Variants in COL19A1 observed in about 807,000 individuals in gnomAD.
The protein encoded by COL19A1 is collagen type XIX alpha 1 chain, also known as collagen alpha-1(XIX) chain.
A neutral mutation model predicts 190.2 loss-of-function variants in COL19A1; 159 were observed. The ratio of observed to expected loss-of-function variants is 0.84; its 90% confidence interval spans 0.73 to 0.95. COL19A1 has a LOEUF of 0.95. COL19A1 is among the 40% of genes least tolerant of loss of function. The probability of loss-of-function intolerance (pLI) is 0.00; values close to 1 mark genes in which losing one functional copy is unlikely to be tolerated. For synonymous variants in COL19A1, 509 were observed against 458.9 expected, an observed-to-expected ratio of 1.11 and a Z score of -1.39; for missense variants, 1,418 against 1,431.9, an observed-to-expected ratio of 0.99 and a Z score of 0.16.
chr6:69,888,649 C>T (rs755859707), intron 2 of COL19A1, among the ~76,000 whole-genome samples: 6 of 152,010 alleles, frequency 3.9e-5, no homozygotes, highest in South Asian at 4.2e-4. Flanking sequence ...AAAAATTAGC[C>T]GGGCGTGGTG....
chr6:70,063,550 C>A (rs897229900), intron 14 of COL19A1, among the ~76,000 whole-genome samples: 6 of 151,830 alleles, frequency 4.0e-5, no homozygotes, highest in African/African-American at 1.5e-4. Context: ...AAATTGACAC[C>A]CCAACATCGC....
At chr6:69,929,305 T>A (rs1772598884) in intron 5 of COL19A1, 120 bp from the exon 6 acceptor site, 2 of 950,578 alleles carry the variant, frequency 2.1e-6, no homozygotes, top group Non-Finnish European at 3.1e-6. Context: ...AAGTGTCATC[T>A]AAAATATTTT....
At chr6:70,125,841 A>G (rs148763820) in intron 17 of COL19A1, among the ~76,000 whole-genome samples, 2 of 152,338 alleles carry the variant, frequency 1.3e-5, no homozygotes, top group Non-Finnish European at 2.9e-5. Context: ...AAATCTGCTC[A>G]TGTTCCAGTA....
intron 12 of COL19A1, among the ~76,000 whole-genome samples, chr6:70,024,989 C>T (rs1466015965): frequency 6.6e-6 from 1 of 151,546 alleles, no homozygotes; most frequent in Non-Finnish European, 1.5e-5. Context: ...CAGATCACTT[C>T]TCAGAGTCTG....
intron 11 of COL19A1, among the ~76,000 whole-genome samples, chr6:69,963,886 A>T (rs1288487343): frequency 6.6e-6 from 1 of 152,264 alleles, no homozygotes; most frequent in Non-Finnish European, 1.5e-5. Context: ...ACAACTTTCT[A>T]TTGAAAGTAC....
intron 11 of COL19A1, among the ~76,000 whole-genome samples, chr6:69,971,871 C>G (rs1384685744): frequency 2.0e-5 from 3 of 152,232 alleles, no homozygotes; most frequent in Non-Finnish European, 4.4e-5. Context: ...CTCACTCTTT[C>G]TCATTCATTT....
chr6:70,168,538 A>T, intron 39 of COL19A1, 117 bp from the exon 40 acceptor site: 1 of 866,794 alleles, frequency 1.2e-6, no homozygotes, highest in Non-Finnish European at 1.8e-6. Context: ...AACTGTAATT[A>T]AAGCAAAACT....
intron 14 of COL19A1, among the ~76,000 whole-genome samples, chr6:70,041,519 TAAAC>T (rs1302747128): frequency 6.6e-6 from 1 of 152,092 alleles, no homozygotes; most frequent in East Asian, 1.9e-4. Context: ...AACCAAACCT[TAAAC>T]AACCCTGTGA....
chr6:70,168,367 A>C, intron 39 of COL19A1, 152 bp downstream of exon 39: 1 of 790,668 alleles, frequency 1.3e-6, no homozygotes, highest in Non-Finnish European at 2.0e-6. Flanking sequence ...CAATTATAAT[A>C]AAATTGAGAA....
intron 2 of COL19A1, 30 bp downstream of exon 2, chr6:69,879,688 C>T (rs769983522): frequency 5.2e-5 from 83 of 1,590,790 alleles, no homozygotes; most frequent in Non-Finnish European, 7.1e-5. Context: ...GCCTAATCAC[C>T]AAATGTTATT....
At chr6:70,025,863 T>G (rs924925857) in intron 12 of COL19A1, among the ~76,000 whole-genome samples, 3 of 152,202 alleles carry the variant, frequency 2.0e-5, no homozygotes, top group African/African-American at 7.2e-5. Flanking sequence ...AGAATGATGC[T>G]AAAGAGGTAA....
At chr6:69,872,655 T>C (rs546420011) in intron 1 of COL19A1, among the ~76,000 whole-genome samples, 1 of 152,324 alleles carries the variant, frequency 6.6e-6, no homozygotes, top group South Asian at 2.1e-4. Context: ...TGGCAAATGA[T>C]GGTGAGAATA....
At chr6:70,162,679 T>A (rs1787881792) in intron 35 of COL19A1, among the ~76,000 whole-genome samples, 1 of 152,200 alleles carries the variant, frequency 6.6e-6, no homozygotes, top group Middle Eastern at 3.2e-3. Flanking sequence ...TCATCCTTTC[T>A]TAGAGTTCCT....
intron 4 of COL19A1, among the ~76,000 whole-genome samples, chr6:69,923,614 T>A (rs188085955): frequency 1.1e-4 from 16 of 152,106 alleles, no homozygotes; most frequent in Non-Finnish European, 2.2e-4. Flanking sequence ...ATCAAAAAAA[T>A]TTTTAAAGAA....
chr6:70,101,003 T>G (rs1783593127), intron 15 of COL19A1, among the ~76,000 whole-genome samples: 1 of 152,116 alleles, frequency 6.6e-6, no homozygotes, highest in Non-Finnish European at 1.5e-5. Flanking sequence ...CTACCCCACT[T>G]CAAGACTAGA....
intron 9 of COL19A1, among the ~76,000 whole-genome samples, chr6:69,957,933 T>C (rs1370083763): frequency 6.6e-6 from 1 of 152,184 alleles, no homozygotes; most frequent in Non-Finnish European, 1.5e-5. Context: ...TCCACTGAGT[T>C]ATCGTTGAGT....
intron 4 of COL19A1, among the ~76,000 whole-genome samples, chr6:69,921,742 G>C (rs550555980): frequency 2.2e-5 from 3 of 135,138 alleles, no homozygotes; most frequent in African/African-American, 9.1e-5. Context: ...ATGTAGATTC[G>C]TATATGTATA....
intron 12 of COL19A1, among the ~76,000 whole-genome samples, chr6:70,028,874 T>C (rs1297362561): frequency 1.3e-5 from 2 of 152,158 alleles, no homozygotes; most frequent in East Asian, 3.9e-4. Flanking sequence ...TTCACTATTA[T>C]TAGAAACCAA....
intron 15 of COL19A1, among the ~76,000 whole-genome samples, chr6:70,094,390 A>G (rs1271991893): frequency 6.6e-6 from 1 of 152,196 alleles, no homozygotes; most frequent in South Asian, 2.1e-4. Context: ...GCTGATGCCT[A>G]ACAGTGTGCA....
Sources: allele counts gnomAD v4.1 joint callset (sites outside exome capture counted in the v4.1 genomes callset), GRCh38; gene constraint gnomAD v4.1.1; transcripts MANE v1.5; gene names NCBI Gene and HGNC (gene_info 2026-07-23, HGNC 2026-07-21).